Variants in R3HDM2 observed in about 807,000 individuals in gnomAD.
The protein encoded by R3HDM2 is R3H domain containing 2, also known as R3H domain-containing protein 2.
Under a neutral mutation model 124.5 loss-of-function variants are expected in R3HDM2, and 38 were observed. That is an observed-to-expected ratio of 0.31 (90% confidence interval 0.24 to 0.40). R3HDM2 has a LOEUF of 0.40. Ranked by LOEUF, R3HDM2 falls within the 10% of genes least tolerant of loss-of-function variation. The probability of loss-of-function intolerance (pLI) is 1.00; values close to 1 mark genes in which losing one functional copy is unlikely to be tolerated. For synonymous variants in R3HDM2, 391 were observed against 448.0 expected (o/e 0.87, Z 1.61); for missense variants, 869 against 1,236.9 (o/e 0.70, Z 4.46).
intron 19 of R3HDM2, among the ~76,000 whole-genome samples, chr12:57,262,152 T>C (rs2041035800): frequency 6.6e-6 from 1 of 152,210 alleles, no homozygotes; most frequent in African/African-American, 2.4e-5. Flanking sequence ...TTTCCCAAAT[T>C]AAAAGATAGA....
In R3HDM2 at chr12:57,296,339, C is replaced by G. The variant is rs1055467251; in HGVS notation, c.701+72G>C. ...GGCCATCTGCAAGAGACATCCTGAT[C>G]CTACACCTTCCTCTTCCAACCCAGC... On this transcript the variant is annotated intron_variant, in intron 9 of 23. Coordinates refer to ENST00000402412, the MANE Select transcript of R3HDM2 (RefSeq NM_001394031.1). The surrounding 1 kb of genome is among the most constrained non-coding windows in gnomAD (Gnocchi z 4.5). 2.0e-6 allele frequency: 3 copies of G among 1,507,808 alleles called. No homozygotes were observed. Among genetic ancestry groups the G allele is most frequent in the Middle Eastern group, 1.7e-4 (1 of 5,826 alleles). The allele number at this position is 1,507,808 out of a possible 1,614,324, so 93.4% of individuals were successfully genotyped here.
At position 57,254,812 on chromosome 12, in the gene R3HDM2, G is replaced by C; in HGVS notation, c.2934C>G (p.Asn978Lys). 6.2e-7 allele frequency: 1 copy of C among 1,604,366 alleles called. No homozygotes were observed. The highest frequency in any genetic ancestry group is 8.5e-7 in the Non-Finnish European group (1 of 1,173,346). The change falls in exon 24 of 24, where the codon AAC (asparagine) becomes AAG (lysine). Residue 978 changes from asparagine to lysine, a missense_variant. Transcript: ENST00000402412. ...CTCGCTCCAGGATCCTCAGGTCATA[G>C]TTCTTTTTGGCCATTCGAAGTTTGA... The part of the protein sequence containing the change: ...SRFKLRMAKK[N>K]YDLRILERAS...
intron 2 of R3HDM2, among the ~76,000 whole-genome samples, chr12:57,319,752 T>C (rs1455157713): frequency 6.6e-6 from 1 of 152,164 alleles, no homozygotes; most frequent in African/African-American, 2.4e-5. Flanking sequence ...GGGGTCAGAC[T>C]GTTACTAATA....
intron 2 of R3HDM2, among the ~76,000 whole-genome samples, chr12:57,314,286 C>T (rs910467547): frequency 4.7e-5 from 7 of 148,604 alleles, no homozygotes; most frequent in Non-Finnish European, 7.5e-5. Flanking sequence ...TAGAGACCAG[C>T]CTGACCAACA....
At chr12:57,256,219 C>T (rs1157349128) in intron 22 of R3HDM2, 145 bp from the exon 23 acceptor site, 2 of 934,432 alleles carry the variant, frequency 2.1e-6, no homozygotes, top group African/African-American at 1.6e-5. Flanking sequence ...GGAGCAGCGA[C>T]TGAGAAACAA....
intron 2 of R3HDM2, among the ~76,000 whole-genome samples, chr12:57,363,588 A>G (rs977023195): frequency 2.6e-5 from 4 of 152,242 alleles, no homozygotes; most frequent in Non-Finnish European, 4.4e-5. Flanking sequence ...AATGGTCCCA[A>G]TGCAACAAAA....
At chr12:57,415,905 G>C (rs778830856) in intron 1 of R3HDM2, among the ~76,000 whole-genome samples, 2 of 152,150 alleles carry the variant, frequency 1.3e-5, no homozygotes, top group Admixed American at 6.5e-5. Context: ...GGTTAAAAGA[G>C]ACTACAAACA....
At chr12:57,403,492 C>CA (rs1185599035) in intron 1 of R3HDM2, among the ~76,000 whole-genome samples, 7 of 142,090 alleles carry the variant, frequency 4.9e-5, no homozygotes, top group African/African-American at 5.2e-5. Context: ...AACTCAGTCT[C>CA]AAAAAAAAAT....
chr12:57,272,603 T>C, intron 14 of R3HDM2: 4 of 72,662 alleles, frequency 5.5e-5, no homozygotes, highest in Non-Finnish European at 7.5e-5. Context: ...AAAAGAGAGG[T>C]GGGAAGCGGG....
intron 12 of R3HDM2, among the ~76,000 whole-genome samples, chr12:57,287,186 C>T (rs2047545529): frequency 1.3e-5 from 2 of 152,168 alleles, no homozygotes. Flanking sequence ...TGTTTTCTTA[C>T]ATGTAATCCA....
chr12:57,263,522 G>A (rs888244018), intron 19 of R3HDM2, among the ~76,000 whole-genome samples: 1 of 152,144 alleles, frequency 6.6e-6, no homozygotes, highest in Non-Finnish European at 1.5e-5. Context: ...AGGCTGGAGT[G>A]CAGTGGCGCA....
At chr12:57,413,061 G>A (rs922435474) in intron 1 of R3HDM2, among the ~76,000 whole-genome samples, 4 of 152,026 alleles carry the variant, frequency 2.6e-5, no homozygotes, top group African/African-American at 9.7e-5. Context: ...GCTGAGGCAG[G>A]AGAATTGCCT....
intron 12 of R3HDM2, among the ~76,000 whole-genome samples, chr12:57,286,125 T>C (rs1324252433): frequency 6.6e-6 from 1 of 152,182 alleles, no homozygotes; most frequent in Admixed American, 6.5e-5. Context: ...GGGTTGTGTG[T>C]ATGTTGGAGA....
chr12:57,419,123 T>C (rs894134606), intron 1 of R3HDM2, among the ~76,000 whole-genome samples: 6 of 151,638 alleles, frequency 4.0e-5, no homozygotes, highest in Admixed American at 4.0e-4. Flanking sequence ...GCCCCATATA[T>C]ACCATCCATA....
At chr12:57,299,940 G>A (rs2050752080) in intron 5 of R3HDM2, among the ~76,000 whole-genome samples, 155 bp downstream of exon 5, 1 of 152,102 alleles carries the variant, frequency 6.6e-6, no homozygotes, top group South Asian at 2.1e-4. Context: ...CCACAGCTGG[G>A]AGGAGAGACC....
chr12:57,358,643 CAAA>C (rs1197103798), intron 2 of R3HDM2, among the ~76,000 whole-genome samples: 3 of 89,352 alleles, frequency 3.4e-5, no homozygotes, highest in Admixed American at 1.2e-4. Flanking sequence ...GACTCCATCT[CAAA>C]AAAAAAAAAA....
At chr12:57,369,005 A>G (rs1214371414) in intron 2 of R3HDM2, among the ~76,000 whole-genome samples, 1 of 152,168 alleles carries the variant, frequency 6.6e-6, no homozygotes, top group Non-Finnish European at 1.5e-5. Flanking sequence ...AGTGATCTGG[A>G]GACTAATTTA....
At position 57,310,349 on chromosome 12, in the gene R3HDM2, T is replaced by C. The variant is rs1266709100; in HGVS notation, c.80A>G (p.Asn27Ser). ...AGTCTTAGATATAAACTTGTTTTTG[T>C]TTACAGATTCTTCCACCAGTTTTTT... Reference protein sequence around the residue: ...SEKKLVEESVNKNKFISKTPS... With the variant: ...SEKKLVEESVSKNKFISKTPS... The change falls in exon 3 of 24, where the codon AAC (asparagine) becomes AGC (serine). Residue 27 changes from asparagine to serine, a missense_variant. Physicochemically the swap from Asn to Ser is conservative, Grantham distance 46. Around this residue, in one of 2 missense-constraint regions of R3HDM2, gnomAD observed 267 missense variants for 447.7 expected, o/e 0.60. Transcript: ENST00000402412. 1.9e-6 allele frequency: 3 copies of C among 1,549,718 alleles called. No individual in the cohort carries two copies. The highest frequency in any genetic ancestry group is 3.9e-5 in the Admixed American group (2 of 50,798).
intron 2 of R3HDM2, among the ~76,000 whole-genome samples, chr12:57,338,169 G>A (rs970713817): frequency 2.0e-5 from 3 of 152,134 alleles, no homozygotes; most frequent in Non-Finnish European, 2.9e-5. Context: ...CGGGCATGGT[G>A]GCGCATGCCT....
Sources: gnomAD v4.1 joint callset for allele counts (sites outside exome capture counted in the v4.1 genomes callset) on GRCh38, gnomAD v4.1.1 for gene constraint, gnomAD v4.1.1 regional missense constraint, Gnocchi (gnomAD v3.1) non-coding constraint, MANE v1.5 for transcripts, NCBI Gene and HGNC (gene_info 2026-07-23, HGNC 2026-07-21) for gene names.